The following PTPRD variants were observed in gnomAD, a reference collection of about 807,000 sequenced individuals.
PTPRD encodes the protein receptor-type tyrosine-protein phosphatase delta.
PTPRD carries 34 observed loss-of-function variants against 214.5 expected under a neutral mutation model. The observed-to-expected ratio is 0.16, with a 90% CI of 0.12 to 0.21. The LOEUF (loss-of-function observed/expected upper bound fraction) is 0.21, where lower values mean the gene tolerates loss of function less well. PTPRD is among the 10% of genes least tolerant of loss of function. The pLI, the probability that PTPRD is intolerant of heterozygous loss-of-function variation, is 1.00. For synonymous variants in PTPRD, 1,128 were observed against 845.7 expected (o/e 1.33, Z -5.79); for missense variants, 2,545 against 2,398.7 (o/e 1.06, Z -1.27).
At chr9:8,330,894 A>G (rs1434943918) in intron 44 of PTPRD, among the ~76,000 whole-genome samples, 1 of 152,154 alleles carries the variant, frequency 6.6e-6, no homozygotes, top group East Asian at 1.9e-4. Flanking sequence ...GAACCCTAAA[A>G]TATATTAGTT....
chr9:9,077,610 T>G (rs866015640), intron 10 of PTPRD, among the ~76,000 whole-genome samples: 2 of 152,018 alleles, frequency 1.3e-5, no homozygotes, highest in Admixed American at 1.3e-4. Context: ...TAGCGGAGAG[T>G]GTCATGCAAA....
chr9:9,019,851 T>C (rs1203917204), intron 10 of PTPRD, among the ~76,000 whole-genome samples: 1 of 152,234 alleles, frequency 6.6e-6, no homozygotes, highest in African/African-American at 2.4e-5. Flanking sequence ...GATGTTGGCA[T>C]TTTCTCAGTG....
At chr9:9,118,390 T>C (rs953247214) in intron 10 of PTPRD, among the ~76,000 whole-genome samples, 12 of 152,146 alleles carry the variant, frequency 7.9e-5, no homozygotes, top group Non-Finnish European at 1.6e-4. Context: ...GCAGAAGTTA[T>C]AGTGGGAATA....
intron 8 of PTPRD, among the ~76,000 whole-genome samples, chr9:9,410,268 A>G (rs2074956623): frequency 6.6e-6 from 1 of 152,226 alleles, no homozygotes; most frequent in Admixed American, 6.5e-5. Flanking sequence ...GCTTTGCTAT[A>G]AATCACAGAC....
At chr9:8,410,968 A>C (rs2093465819) in intron 35 of PTPRD, among the ~76,000 whole-genome samples, 1 of 151,992 alleles carries the variant, frequency 6.6e-6, no homozygotes, top group African/African-American at 2.4e-5. Context: ...ATTATATCAT[A>C]GTACTAAAGA....
chr9:10,261,067 T>TTA (rs1554974546), intron 3 of PTPRD, among the ~76,000 whole-genome samples: 13 of 124,702 alleles, frequency 1.0e-4, no homozygotes, highest in African/African-American at 4.4e-4. Context: ...TGTATATATA[T>TTA]TATATATATG....
chr9:8,699,159 A>G (rs2098010546), intron 12 of PTPRD, among the ~76,000 whole-genome samples: 1 of 152,234 alleles, frequency 6.6e-6, no homozygotes, highest in African/African-American at 2.4e-5. Context: ...ACAAGTGATG[A>G]AATTCCGATG....
At chr9:9,218,217 C>G (rs905437036) in intron 9 of PTPRD, among the ~76,000 whole-genome samples, 8 of 152,160 alleles carry the variant, frequency 5.3e-5, no homozygotes, top group Non-Finnish European at 7.4e-5. Context: ...TGTCAAACTT[C>G]TGTCTTGTTT....
intron 3 of PTPRD, among the ~76,000 whole-genome samples, chr9:10,268,185 G>A (rs1220701135): frequency 6.7e-6 from 1 of 149,658 alleles, no homozygotes; most frequent in Non-Finnish European, 1.5e-5. Flanking sequence ...AGCTACTCAG[G>A]AGGCTGATGC....
At chr9:9,727,699 A>T (rs951055609) in intron 7 of PTPRD, among the ~76,000 whole-genome samples, 16 of 152,130 alleles carry the variant, frequency 1.1e-4, no homozygotes, top group South Asian at 2.1e-4. Context: ...ACATGTTTAA[A>T]CACTGGTAGT....
At chr9:8,754,121 G>C (rs1306319946) in intron 11 of PTPRD, among the ~76,000 whole-genome samples, 1 of 151,896 alleles carries the variant, frequency 6.6e-6, no homozygotes, top group Non-Finnish European at 1.5e-5. Context: ...CTCCAGCCTG[G>C]GTGACAGAGC....
At chr9:8,829,085 T>C (rs2097232264) in intron 11 of PTPRD, among the ~76,000 whole-genome samples, 1 of 152,230 alleles carries the variant, frequency 6.6e-6, no homozygotes, top group Non-Finnish European at 1.5e-5. Context: ...AATGTTTCCT[T>C]AATTGTCCAT....
chr9:8,690,493 C>T (rs1181124122), intron 12 of PTPRD, among the ~76,000 whole-genome samples: 6 of 148,454 alleles, frequency 4.0e-5, no homozygotes, highest in Non-Finnish European at 8.9e-5. Context: ...TGCACCACTG[C>T]ACTCCAGTCT....
At chr9:10,510,056 A>G (rs1026090115) in intron 2 of PTPRD, among the ~76,000 whole-genome samples, 1 of 152,094 alleles carries the variant, frequency 6.6e-6, no homozygotes, top group Admixed American at 6.6e-5. Flanking sequence ...ATACATATAA[A>G]TTAATTTCAG....
intron 6 of PTPRD, among the ~76,000 whole-genome samples, chr9:9,749,641 G>C (rs1596665112): frequency 3.3e-5 from 5 of 152,258 alleles, no homozygotes; most frequent in Admixed American, 3.3e-4. Context: ...GTCAGTAAAA[G>C]AGGAATGCCT....
chr9:9,716,794 G>T (rs1320908991), intron 7 of PTPRD, among the ~76,000 whole-genome samples: 1 of 151,684 alleles, frequency 6.6e-6, no homozygotes, highest in African/African-American at 2.4e-5. Flanking sequence ...CTCCCATTTT[G>T]TAGGTTGCCT....
intron 7 of PTPRD, among the ~76,000 whole-genome samples, chr9:9,712,486 A>G (rs2097755559): frequency 6.6e-6 from 1 of 152,178 alleles, no homozygotes; most frequent in South Asian, 2.1e-4. Context: ...TTCAGTCAAA[A>G]ACACATTGAA....
intron 11 of PTPRD, among the ~76,000 whole-genome samples, chr9:8,993,567 T>C (rs771742514): frequency 3.3e-5 from 5 of 152,122 alleles, no homozygotes; most frequent in Non-Finnish European, 7.3e-5. Context: ...AATGCAATGA[T>C]ATATTTGGAT....
At chr9:10,427,779 G>C (rs1186970243) in intron 2 of PTPRD, among the ~76,000 whole-genome samples, 1 of 151,996 alleles carries the variant, frequency 6.6e-6, no homozygotes, top group Non-Finnish European at 1.5e-5. Flanking sequence ...GAAAATGTTT[G>C]TTAAAATATT....
Sources: gnomAD v4.1 joint callset for allele counts (sites outside exome capture counted in the v4.1 genomes callset) on GRCh38, gnomAD v4.1.1 for gene constraint, MANE v1.5 for transcripts, NCBI Gene and HGNC (gene_info 2026-07-23, HGNC 2026-07-21) for gene names.